DLG5: variants seen among roughly 807,000 people sequenced by gnomAD.
The protein encoded by DLG5 is disks large homolog 5.
A neutral mutation model predicts 189.8 loss-of-function variants in DLG5; 48 were observed. That is an observed-to-expected ratio of 0.25 (90% CI 0.20 to 0.32). The LOEUF (loss-of-function observed/expected upper bound fraction) is 0.32. Ranked by LOEUF, DLG5 falls within the 10% of genes least tolerant of loss-of-function variation. The pLI, the probability that DLG5 is intolerant of heterozygous loss-of-function variation, is 1.00. For missense variants in DLG5, 2,160 were observed against 2,544.7 expected, an observed-to-expected ratio of 0.85 and a Z score of 3.25; for synonymous variants, 1,016 against 1,054.1, an observed-to-expected ratio of 0.96 and a Z score of 0.70.
chr10:77,921,638 C>T (rs1413433936), intron 1 of DLG5, among the ~76,000 whole-genome samples: 1 of 152,180 alleles, frequency 6.6e-6, no homozygotes, highest in Non-Finnish European at 1.5e-5. Flanking sequence ...TCAGCCTGTG[C>T]GGTCCAGCCT....
intron 1 of DLG5, among the ~76,000 whole-genome samples, chr10:77,909,091 G>A (rs1049856265): frequency 6.6e-6 from 1 of 152,282 alleles, no homozygotes; most frequent in African/African-American, 2.4e-5. Flanking sequence ...GCACTTAGCC[G>A]AGCCTGGTAA....
In DLG5 at chr10:77,894,991, C is replaced by T. The variant is rs74140387; in HGVS notation, c.305-25794G>A. 4.7e-3 allele frequency among the ~76,000 whole-genome samples: 719 copies of T among 152,354 alleles called. 3 individuals are homozygous for T. The highest frequency in any genetic ancestry group is 0.016 in the African/African-American group (662 of 41,574). On this transcript the variant is annotated intron_variant, in intron 1 of 31. Transcript: ENST00000372391. ...ATGTCCTTTCAAAGCACTCGCTCTG[C>T]TTTTCTTCTTGGAACTTCGATACAA...
intron 1 of DLG5, among the ~76,000 whole-genome samples, chr10:77,892,370 T>C (rs763012533): frequency 8.5e-5 from 13 of 152,206 alleles, no homozygotes; most frequent in Non-Finnish European, 1.5e-4. Context: ...GGTACATGTA[T>C]GGAATGCAAC....
chr10:77,793,936 GA>G lies in DLG5; in HGVS notation c.5656+71del, dbSNP rs1840771735. The stretch of plus-strand genomic sequence containing the variant: ...AAAGTGCGGGCTTCTCCACGGCTAA[GA>G]AAACAGCCTTAGGAAGCCTCTGCTT... On this transcript the variant is annotated intron_variant, in intron 31 of 31. Coordinates refer to ENST00000372391, the MANE Select transcript of DLG5 (RefSeq NM_004747.4). The G allele has an allele frequency of 1.2e-5, 17 of 1,428,620 alleles. No individual in the cohort carries two copies. In the South Asian group the frequency reaches 1.8e-4, roughly 15 times the overall value. 88.5% of individuals were successfully genotyped at this position (1,428,620 alleles called of 1,614,324 possible).
At chr10:77,865,187 A>G (rs936065390) in intron 2 of DLG5, among the ~76,000 whole-genome samples, 1 of 152,184 alleles carries the variant, frequency 6.6e-6, no homozygotes, top group Non-Finnish European at 1.5e-5. Flanking sequence ...GTGTGATAAC[A>G]TTTGGGGCCG....
chr10:77,872,540 A>G (rs1844941682), intron 1 of DLG5, among the ~76,000 whole-genome samples: 1 of 152,132 alleles, frequency 6.6e-6, no homozygotes, highest in Non-Finnish European at 1.5e-5. Context: ...GGAGTGGTTA[A>G]AATTGGACAG....
chr10:77,873,407 T>G (rs1447543684), intron 1 of DLG5, among the ~76,000 whole-genome samples: 1 of 152,060 alleles, frequency 6.6e-6, no homozygotes, highest in African/African-American at 2.4e-5. Context: ...AGGAAGCCAC[T>G]GGGAGGAAGC....
intron 2 of DLG5, among the ~76,000 whole-genome samples, chr10:77,861,533 C>T (rs927167353): frequency 3.9e-5 from 6 of 152,200 alleles, no homozygotes; most frequent in South Asian, 2.1e-4. Context: ...TGTCTCCAGA[C>T]GTCTCAGTCT....
intron 1 of DLG5, among the ~76,000 whole-genome samples, chr10:77,877,252 C>A (rs1238803423): frequency 2.0e-5 from 3 of 151,446 alleles, no homozygotes; most frequent in Non-Finnish European, 2.9e-5. Context: ...CAGTACCATG[C>A]AAGACCCTTC....
At chr10:77,846,149 G>T (rs531671199) in intron 5 of DLG5, among the ~76,000 whole-genome samples, 1 of 152,248 alleles carries the variant, frequency 6.6e-6, no homozygotes, top group South Asian at 2.1e-4. Context: ...GGAGGCTGAG[G>T]CAGGAGAATT....
chr10:77,844,542 G>A (rs1386819424), intron 5 of DLG5, among the ~76,000 whole-genome samples: 2 of 152,148 alleles, frequency 1.3e-5, no homozygotes, highest in Non-Finnish European at 2.9e-5. Flanking sequence ...CATGGTGTAG[G>A]GTCCCCCCGC....
chr10:77,913,334 A>C (rs981044037), intron 1 of DLG5, among the ~76,000 whole-genome samples: 7 of 152,160 alleles, frequency 4.6e-5, no homozygotes, highest in African/African-American at 1.4e-4. Flanking sequence ...AACATCAACT[A>C]AATGCAGTGG....
chr10:77,882,068 A>G (rs1845297238), intron 1 of DLG5, among the ~76,000 whole-genome samples: 1 of 152,220 alleles, frequency 6.6e-6, no homozygotes, highest in Non-Finnish European at 1.5e-5. Flanking sequence ...AAGGCAACTC[A>G]GCCTGGGTCT....
At position 77,843,550 on chromosome 10, in the gene DLG5, G is replaced by C; in HGVS notation, c.1021C>G (p.Leu341Val). 1 of 1,614,174 alleles carries C rather than the reference G, an allele frequency of 6.2e-7. No homozygotes were observed. ...AGCAACCGCTGGTTCTCCTCCCCCA[G>C]CTGCTCCAGGCGGCTCAGGTCTGCA... ...HNADLSRLEQ[L>V]GEENQRLLKQ... The change falls in exon 6 of 32, where the codon CTG becomes GTG. Residue 341 changes from leucine to valine, a missense_variant. Physicochemically the swap from Leu to Val is conservative, Grantham distance 32. Transcript: ENST00000372391.
At chr10:77,931,512 C>T (rs1475121392), upstream of DLG5, among the ~76,000 whole-genome samples, 2 of 151,718 alleles carry the variant, frequency 1.3e-5, no homozygotes, top group Admixed American at 6.6e-5. Context: ...GGCCTCCCAA[C>T]GTGCTGGGAT....
chr10:77,878,257 C>T (rs188146794), intron 1 of DLG5, among the ~76,000 whole-genome samples: 121 of 152,368 alleles, frequency 7.9e-4, no homozygotes, highest in Middle Eastern at 6.8e-3. Flanking sequence ...CACTCACCAG[C>T]TGTGTGACCT....
upstream of DLG5, chr10:77,928,356 C>T (rs541114841): frequency 6.6e-6 from 1 of 152,308 alleles, no homozygotes; most frequent in South Asian, 2.1e-4. Flanking sequence ...TTCTTTAAGA[C>T]CTCCAGATGG....
At chr10:77,904,273 C>T (rs1248882) in intron 1 of DLG5, among the ~76,000 whole-genome samples, 46,101 of 151,968 alleles carry the variant, frequency 0.3, 7,633 homozygotes, top group Admixed American at 0.43. Flanking sequence ...CCCTCCACCA[C>T]GATTATGAGA....
chr10:77,894,967 T>C (rs1467435807), intron 1 of DLG5, among the ~76,000 whole-genome samples: 1 of 152,210 alleles, frequency 6.6e-6, no homozygotes, highest in Non-Finnish European at 1.5e-5. Flanking sequence ...TTCCTTCCTA[T>C]GTCCTTTCAA....
Sources: gnomAD v4.1 joint callset for allele counts (sites outside exome capture counted in the v4.1 genomes callset) on GRCh38, gnomAD v4.1.1 for gene constraint, MANE v1.5 for transcripts, NCBI Gene and HGNC (gene_info 2026-07-23, HGNC 2026-07-21) for gene names.